The following FOXP2 variants were observed in gnomAD, a reference collection of about 807,000 sequenced individuals.
FOXP2 encodes the protein forkhead box P2.
FOXP2 carries 12 observed loss-of-function variants against 115.8 expected under a neutral mutation model. The ratio of observed to expected loss-of-function variants is 0.10; its 90% confidence interval spans 0.07 to 0.17. The LOEUF (loss-of-function observed/expected upper bound fraction) is 0.17. FOXP2 is among the 10% of genes least tolerant of loss of function. FOXP2 has a pLI of 1.00. For missense variants in FOXP2, 629 were observed against 843.5 expected (o/e 0.75, Z 3.15); for synonymous variants, 328 against 297.7 (o/e 1.10, Z -1.05).
intron 1 of FOXP2, among the ~76,000 whole-genome samples, chr7:114,211,475 G>C (rs555817546): frequency 6.6e-6 from 1 of 152,212 alleles, no homozygotes; most frequent in African/African-American, 2.4e-5. Flanking sequence ...TTCCGCTCCT[G>C]GATGGGCTGT....
intron 16 of FOXP2, among the ~76,000 whole-genome samples, chr7:114,678,250 A>G (rs1396857654): frequency 1.3e-5 from 2 of 152,200 alleles, no homozygotes; most frequent in Non-Finnish European, 2.9e-5. Context: ...TGTAAAGGAC[A>G]TGAGGAGATG....
At chr7:114,518,793 A>G (rs889428343) in intron 2 of FOXP2, among the ~76,000 whole-genome samples, 1 of 152,180 alleles carries the variant, frequency 6.6e-6, no homozygotes, top group African/African-American at 2.4e-5. Flanking sequence ...GGCATGAGCC[A>G]CCATGCTTGG....
chr7:114,584,862 G>T (rs1349805182), intron 3 of FOXP2, among the ~76,000 whole-genome samples: 2 of 151,960 alleles, frequency 1.3e-5, no homozygotes, highest in Non-Finnish European at 2.9e-5. Flanking sequence ...TTACATTGGG[G>T]GCATATTACT....
intron 2 of FOXP2, among the ~76,000 whole-genome samples, chr7:114,372,256 T>TA (rs557790631): frequency 3.4e-4 from 51 of 152,096 alleles, no homozygotes; most frequent in Middle Eastern, 3.4e-3. Flanking sequence ...ATATTCTATT[T>TA]AAAAAAAACT....
At chr7:114,509,866 C>T (rs929938409) in intron 2 of FOXP2, among the ~76,000 whole-genome samples, 1 of 150,208 alleles carries the variant, frequency 6.7e-6, no homozygotes, top group Admixed American at 6.7e-5. Flanking sequence ...AGTAAGACCA[C>T]CTGGTGAATT....
At chr7:114,282,518 T>C (rs1352332124) in intron 1 of FOXP2, among the ~76,000 whole-genome samples, 2 of 152,222 alleles carry the variant, frequency 1.3e-5, no homozygotes, top group East Asian at 1.9e-4. Context: ...TATATCTTAC[T>C]ATCTATTCTA....
intron 2 of FOXP2, among the ~76,000 whole-genome samples, chr7:114,291,695 T>C (rs1796594056): frequency 6.6e-6 from 1 of 151,250 alleles, no homozygotes; most frequent in Non-Finnish European, 1.5e-5. Flanking sequence ...GTTTTAGGAC[T>C]GAGATCCTTA....
chr7:114,543,358 T>G (rs1799773478), intron 3 of FOXP2, among the ~76,000 whole-genome samples: 1 of 152,122 alleles, frequency 6.6e-6, no homozygotes, highest in Admixed American at 6.5e-5. Flanking sequence ...CCCATAGATC[T>G]TCATGAATCC....
intron 16 of FOXP2, chr7:114,666,358 T>C (rs1001198901): frequency 6.6e-6 from 1 of 152,110 alleles, no homozygotes; most frequent in Non-Finnish European, 1.5e-5. Flanking sequence ...CTTAAATCTG[T>C]TTCTGCTGCT....
At chr7:114,324,060 C>A (rs1185414672) in intron 2 of FOXP2, among the ~76,000 whole-genome samples, 1 of 151,846 alleles carries the variant, frequency 6.6e-6, no homozygotes, top group Non-Finnish European at 1.5e-5. Flanking sequence ...TGATTCTGGC[C>A]TCATCACAGT....
At chr7:114,626,701 ATGAT>A (rs1420016627) in intron 3 of FOXP2, among the ~76,000 whole-genome samples, 5 of 151,686 alleles carry the variant, frequency 3.3e-5, no homozygotes, top group African/African-American at 1.2e-4. Context: ...TATGAGGTAA[ATGAT>A]TGTTCGAAGA....
chr7:114,087,531 T>G (rs930642160), upstream of FOXP2, among the ~76,000 whole-genome samples: 1 of 151,756 alleles, frequency 6.6e-6, no homozygotes, highest in Non-Finnish European at 1.5e-5. Flanking sequence ...CTCACTTGGC[T>G]GTTACCTGGA....
intron 2 of FOXP2, among the ~76,000 whole-genome samples, chr7:114,481,998 A>T (rs1051351219): frequency 6.6e-6 from 1 of 151,212 alleles, no homozygotes; most frequent in Non-Finnish European, 1.5e-5. Context: ...ATTTTAACTT[A>T]ATCACCATTG....
chr7:114,347,822 T>G (rs1364927732), intron 2 of FOXP2, among the ~76,000 whole-genome samples: 2 of 151,974 alleles, frequency 1.3e-5, no homozygotes, highest in Middle Eastern at 3.2e-3. Context: ...AAAAACAAGA[T>G]TTTCTTGATA....
chr7:114,426,034 C>T (rs1793830684), intron 1 of FOXP2, among the ~76,000 whole-genome samples: 1 of 151,584 alleles, frequency 6.6e-6, no homozygotes, highest in Admixed American at 6.6e-5. Flanking sequence ...GTATGATTAG[C>T]TGTGCATCAT....
At chr7:114,569,093 G>A (rs1482771419) in intron 3 of FOXP2, among the ~76,000 whole-genome samples, 2 of 151,898 alleles carry the variant, frequency 1.3e-5, no homozygotes, top group Non-Finnish European at 2.9e-5. Flanking sequence ...TTATGTAAAT[G>A]AGCGTCTATC....
At chr7:114,193,759 T>G (rs540464589) in intron 1 of FOXP2, among the ~76,000 whole-genome samples, 1 of 152,256 alleles carries the variant, frequency 6.6e-6, no homozygotes, top group South Asian at 2.1e-4. Flanking sequence ...AAAATGACTC[T>G]ACTTGTAATT....
chr7:114,686,903 T>G (rs1808394402), intron 16 of FOXP2, among the ~76,000 whole-genome samples: 2 of 152,142 alleles, frequency 1.3e-5, no homozygotes, highest in African/African-American at 4.8e-5. Flanking sequence ...CAAAGGGACA[T>G]TAGGATTCCA....
intron 1 of FOXP2, among the ~76,000 whole-genome samples, chr7:114,205,459 C>T (rs140590044): frequency 6.6e-6 from 1 of 152,232 alleles, no homozygotes; most frequent in African/African-American, 2.4e-5. Context: ...ATGAGTATCA[C>T]TACATTGGTA....
Sources: allele counts gnomAD v4.1 joint callset (sites outside exome capture counted in the v4.1 genomes callset), GRCh38; gene constraint gnomAD v4.1.1; transcripts MANE v1.5; gene names NCBI Gene and HGNC (gene_info 2026-07-23, HGNC 2026-07-21).